Variants in NTRK3 observed in about 807,000 individuals in gnomAD.
NTRK3 encodes NT-3 growth factor receptor.
A neutral mutation model predicts 91.7 loss-of-function variants in NTRK3; 24 were observed. That is an observed-to-expected ratio of 0.26 (90% CI 0.19 to 0.37). The LOEUF (loss-of-function observed/expected upper bound fraction) is 0.37. Among genes scored for constraint, NTRK3 ranks in the 10% least tolerant of loss-of-function variants. The pLI is 1.00. For synonymous variants in NTRK3, 483 were observed against 404.0 expected, an observed-to-expected ratio of 1.20 and a Z score of -2.34; for missense variants, 880 against 1,068.9, an observed-to-expected ratio of 0.82 and a Z score of 2.46.
chr15:87,918,321 C>A (rs1171110248), intron 17 of NTRK3, among the ~76,000 whole-genome samples: 2 of 152,222 alleles, frequency 1.3e-5, no homozygotes, highest in Non-Finnish European at 2.9e-5. Flanking sequence ...CCATTGACTA[C>A]CTAAGCCAAA....
chr15:88,174,705 G>A (rs149716496), intron 5 of NTRK3, among the ~76,000 whole-genome samples: 494 of 152,300 alleles, frequency 3.2e-3, no homozygotes, highest in Non-Finnish European at 5.1e-3. Flanking sequence ...CCATAAGCAG[G>A]CTGTCTGCCA....
At chr15:87,953,107 C>T (rs2071309228) in intron 14 of NTRK3, among the ~76,000 whole-genome samples, 1 of 152,242 alleles carries the variant, frequency 6.6e-6, no homozygotes, top group South Asian at 2.1e-4. Context: ...GAGTTTCCCC[C>T]ACACCAGATG....
chr15:88,120,496 C>G (rs183330315), intron 13 of NTRK3, among the ~76,000 whole-genome samples: 4 of 152,188 alleles, frequency 2.6e-5, no homozygotes, highest in South Asian at 2.1e-4. Flanking sequence ...AAGGCATTGC[C>G]GGAAGCCCAA....
intron 5 of NTRK3, among the ~76,000 whole-genome samples, chr15:88,150,915 C>T (rs1245655064): frequency 1.3e-5 from 2 of 152,086 alleles, no homozygotes; most frequent in Non-Finnish European, 2.9e-5. Context: ...GAACTCATTG[C>T]CCCTGATTTT....
chr15:88,179,487 A>G (rs1291514821), intron 5 of NTRK3, among the ~76,000 whole-genome samples: 2 of 152,210 alleles, frequency 1.3e-5, no homozygotes, highest in Non-Finnish European at 2.9e-5. Context: ...TAATGTATGG[A>G]AAAGCACTTT....
At chr15:87,970,100 C>T (rs544996072) in intron 14 of NTRK3, among the ~76,000 whole-genome samples, 1 of 152,324 alleles carries the variant, frequency 6.6e-6, no homozygotes, top group South Asian at 2.1e-4. Flanking sequence ...ACTCTACTAG[C>T]TACTCAGAGA....
chr15:87,994,540 C>T (rs1003096936), intron 14 of NTRK3, among the ~76,000 whole-genome samples: 2 of 152,150 alleles, frequency 1.3e-5, no homozygotes, highest in Non-Finnish European at 2.9e-5. Context: ...TTCCCTAGTG[C>T]CTTCAGGGGG....
chr15:87,933,068 G>T (rs2141955006), exon 16 of NTRK3: 2 of 1,614,076 alleles, frequency 1.2e-6, no homozygotes, highest in Non-Finnish European at 8.5e-7. Flanking sequence ...TGATGAGGGG[G>T]TCCCCATCGC....
At chr15:88,076,672 T>TACAAAAA (rs2047570529) in intron 13 of NTRK3, among the ~76,000 whole-genome samples, 1 of 120,410 alleles carries the variant, frequency 8.3e-6, no homozygotes, top group African/African-American at 3.0e-5. Context: ...TATACATATG[T>TACAAAAA]AAAAAAAAAA....
chr15:88,137,304 A>G, intron 7 of NTRK3, 100 bp downstream of exon 7: 1 of 1,438,644 alleles, frequency 7.0e-7, no homozygotes, highest in Non-Finnish European at 9.6e-7. Flanking sequence ...GGGCGTTTCG[A>G]AAGGAAGGCT....
intron 13 of NTRK3, among the ~76,000 whole-genome samples, chr15:88,097,411 T>C (rs569226866): frequency 2.6e-4 from 39 of 152,296 alleles, no homozygotes; most frequent in African/African-American, 8.7e-4. Flanking sequence ...ATAAGAACTA[T>C]TTTTACACAG....
At chr15:87,925,839 G>A (rs116527728) in intron 17 of NTRK3, among the ~76,000 whole-genome samples, 54 of 152,266 alleles carry the variant, frequency 3.5e-4, no homozygotes, top group African/African-American at 1.1e-3. Flanking sequence ...TAGTGGTCAC[G>A]GAGTCCCTCT....
intron 5 of NTRK3, among the ~76,000 whole-genome samples, chr15:88,177,769 C>T (rs573341441): frequency 6.6e-6 from 1 of 152,328 alleles, no homozygotes; most frequent in South Asian, 2.1e-4. Flanking sequence ...CCAGCTTTAA[C>T]TATCTATGAT....
intron 13 of NTRK3, among the ~76,000 whole-genome samples, chr15:88,080,139 T>C (rs1313487041): frequency 3.3e-5 from 5 of 152,228 alleles, no homozygotes; most frequent in African/African-American, 1.2e-4. Context: ...CAATTTTCCA[T>C]CATTACAAAT....
chr15:88,104,576 C>G (rs2050507527), intron 13 of NTRK3, among the ~76,000 whole-genome samples: 1 of 152,214 alleles, frequency 6.6e-6, no homozygotes, highest in Admixed American at 6.5e-5. Context: ...CACTTCCCAG[C>G]TATCAGCACT....
In NTRK3 at chr15:87,987,682, AT is replaced by A. The variant is rs145473649; in HGVS notation, c.1585+45174del. On this transcript the variant is annotated intron_variant, in intron 14 of 18. Coordinates refer to ENST00000394480, the Ensembl canonical transcript of NTRK3. ...TTAACTTTGTATACAGTACTCATAG[AT>A]TTTTTTTTAAATTAATGTATTCAAA... 4.3e-3 allele frequency among the ~76,000 whole-genome samples: 651 copies of A among 151,374 alleles called. 8 individuals are homozygous for A. The highest frequency in any genetic ancestry group is 0.014 in the African/African-American group (593 of 41,284).
intron 17 of NTRK3, among the ~76,000 whole-genome samples, chr15:87,891,186 C>T (rs897488654): frequency 1.6e-4 from 25 of 152,256 alleles, no homozygotes; most frequent in Middle Eastern, 3.4e-3. Flanking sequence ...AAACAACCTT[C>T]AACCTACAAT....
intron 13 of NTRK3, among the ~76,000 whole-genome samples, chr15:88,056,052 A>G (rs1392572354): frequency 3.3e-5 from 5 of 152,000 alleles, no homozygotes; most frequent in African/African-American, 1.2e-4. Context: ...GAAAGCAGGC[A>G]GTAGAAAGAA....
intron 5 of NTRK3, among the ~76,000 whole-genome samples, chr15:88,178,264 A>G (rs1022269787): frequency 1.3e-5 from 2 of 152,244 alleles, no homozygotes; most frequent in Admixed American, 6.5e-5. Flanking sequence ...GGGTTATTCC[A>G]AGGAGAAAGA....
Sources: allele counts gnomAD v4.1 joint callset (sites outside exome capture counted in the v4.1 genomes callset), GRCh38; gene constraint gnomAD v4.1.1; transcripts MANE v1.5; gene names NCBI Gene and HGNC (gene_info 2026-07-23, HGNC 2026-07-21).